FSIP2: variants seen among roughly 807,000 people sequenced by gnomAD.
The protein encoded by FSIP2 is fibrous sheath interacting protein 2, also known as fibrous sheath-interacting protein 2.
A neutral mutation model predicts 510.5 loss-of-function variants in FSIP2; 367 were observed. That is an observed-to-expected ratio of 0.72 (90% CI 0.66 to 0.78). The LOEUF is 0.78. Ranked by LOEUF, FSIP2 falls within the 30% of genes least tolerant of loss-of-function variation. FSIP2 has a pLI of 0.00. For synonymous variants in FSIP2, 2,601 were observed against 2,732.2 expected (o/e 0.95, Z 1.50); for missense variants, 7,594 against 7,901.7 (o/e 0.96, Z 1.48).
rs145693394 is a variant in FSIP2 at position 185,790,848 on chromosome 2, G to A, written c.3712G>A (p.Val1238Ile). 2.3e-5 allele frequency: 35 copies of A among 1,532,812 alleles called. No homozygotes were observed. Among genetic ancestry groups the A allele is most frequent in the African/African-American group, 1.6e-4 (12 of 72,916 alleles). The allele number at this position is 1,532,812 out of a possible 1,614,324, so 95.0% of individuals were successfully genotyped here. ...KKMKYLSLFD[V>I]DPEKPPWLKS... ...AATGAAATATTTATCTTTATTTGAC[G>A]TTGATCCTGAAAAGCCTCCCTGGTT... is the stretch of plus-strand genomic sequence containing the variant. The change falls in exon 16 of 23, where the codon GTT becomes ATT. Residue 1238 changes from valine to isoleucine, a missense_variant. Physicochemically the swap from Val to Ile is conservative, Grantham distance 29. Transcript: ENST00000424728.
At position 185,792,182 on chromosome 2, in the gene FSIP2, A is replaced by T; in HGVS notation, c.5046A>T (p.Val1682=). ...CTGAGACTCAAATACTTAAGTATGT[A>T]GTCAAGTTAATTTTAGATGCAGTAT... is the stretch of plus-strand genomic sequence containing the variant. ...PPPETQILKY[V]VKLILDAVSS... The change falls in exon 16 of 23, where the codon GTA becomes GTT. Residue 1682 remains valine, a synonymous_variant. Coordinates refer to ENST00000424728, the MANE Select transcript of FSIP2 (RefSeq NM_173651.4). 6.5e-7 allele frequency: 1 copy of T among 1,531,930 alleles called. No individual in the cohort carries two copies. The allele number at this position is 1,531,930 out of a possible 1,614,324, so 94.9% of individuals were successfully genotyped here. A position where few individuals can be genotyped will look rare whatever the true frequency, so the allele number is the denominator to read the frequency against.
chr2:185,769,684 G>GAA (rs1040519925), intron 13 of FSIP2, among the ~76,000 whole-genome samples: 25 of 152,274 alleles, frequency 1.6e-4, no homozygotes, highest in African/African-American at 5.8e-4. Context: ...TCTTCTTCAT[G>GAA]AAACCTTCGT....
At position 185,789,801 on chromosome 2, in the gene FSIP2, C is replaced by G; in HGVS notation, c.2665C>G (p.Gln889Glu). The G allele has an allele frequency of 6.5e-7, 1 of 1,533,416 alleles. No homozygotes were observed. The highest frequency in any genetic ancestry group is 8.7e-7 in the Non-Finnish European group (1 of 1,145,056). The allele number at this position is 1,533,416 out of a possible 1,614,324, so 95.0% of individuals were successfully genotyped here. A position where few individuals can be genotyped will look rare whatever the true frequency, so the allele number is the denominator to read the frequency against. The change falls in exon 16 of 23, where the codon CAA becomes GAA. Residue 889 changes from glutamine to glutamate, a missense_variant. Transcript: ENST00000424728. Reference sequence around the variant, plus strand: ...TAGTTTAATTGTCAATGAAGAAGTACAAAATTTAATATCAAATATTTTTTC... The same window carrying G: ...TAGTTTAATTGTCAATGAAGAAGTAGAAAATTTAATATCAAATATTTTTTC... ...EASLIVNEEV[Q>E]NLISNIFSQS...
At chr2:185,778,924 A>T (rs532834562) in intron 13 of FSIP2, among the ~76,000 whole-genome samples, 1 of 152,196 alleles carries the variant, frequency 6.6e-6, no homozygotes, top group East Asian at 1.9e-4. Context: ...TCTAGTGATT[A>T]GACCTATCCA....
chr2:185,830,716 T>C (rs1289630721), intron 21 of FSIP2, among the ~76,000 whole-genome samples: 3 of 151,860 alleles, frequency 2.0e-5, no homozygotes, highest in African/African-American at 4.8e-5. Context: ...ATATTTTTGA[T>C]CTCTGGTTGG....
intron 13 of FSIP2, among the ~76,000 whole-genome samples, chr2:185,777,715 C>G (rs902626664): frequency 1.3e-5 from 2 of 151,904 alleles, no homozygotes; most frequent in East Asian, 3.9e-4. Flanking sequence ...TTCTATCTAT[C>G]GTGTGTTTTT....
At chr2:185,813,322 G>A (rs1049227173) in intron 17 of FSIP2, among the ~76,000 whole-genome samples, 1 of 151,862 alleles carries the variant, frequency 6.6e-6, no homozygotes, top group Non-Finnish European at 1.5e-5. Flanking sequence ...AGTTATATTA[G>A]ATTAAGGTAT....
chr2:185,795,772 C>A lies in FSIP2; in HGVS notation c.8636C>A (p.Ser2879Tyr). Reference protein sequence around the residue: ...ISIKAKELEYSLSLLNLPPLE... With the variant: ...ISIKAKELEYYLSLLNLPPLE... ...ATAAAAGCAAAAGAATTAGAATATT[C>A]TCTTTCACTTTTAAATTTGCCCCCT... The change falls in exon 16 of 23, where the codon TCT becomes TAT. Residue 2879 changes from serine to tyrosine, a missense_variant. Transcript: ENST00000424728. 1 of 1,533,410 alleles carries A rather than the reference C, an allele frequency of 6.5e-7. No individual in the cohort carries two copies. The highest frequency in any genetic ancestry group is 1.2e-5 in the South Asian group (1 of 83,904). The allele number at this position is 1,533,410 out of a possible 1,614,324, so 95.0% of individuals were successfully genotyped here. A position where few individuals can be genotyped will look rare whatever the true frequency, so the allele number is the denominator to read the frequency against.
In FSIP2 at chr2:185,792,378, G is replaced by C; in HGVS notation, c.5242G>C (p.Val1748Leu). ...IDERSPQREE[V>L]KTRSLKQWAL... ...TGAGAGATCCCCACAAAGAGAAGAA[G>C]TGAAAACACGTTCTCTTAAACAATG... Residue 1748 changes from valine (V) to leucine (L), a missense_variant, in exon 16 of 23, where the codon GTG becomes CTG. Physicochemically the swap from Val to Leu is conservative, Grantham distance 32 (BLOSUM62 1). Transcript: ENST00000424728. The C allele has an allele frequency of 6.5e-7, 1 of 1,532,214 alleles. No individual in the cohort carries two copies. Among genetic ancestry groups the C allele is most frequent in the Non-Finnish European group, 8.7e-7 (1 of 1,145,062 alleles). The allele number at this position is 1,532,214 out of a possible 1,614,324, so 94.9% of individuals were successfully genotyped here.
Position 185,756,245 on chromosome 2 carries a change from G to T in FSIP2, c.1045G>T (p.Ala349Ser). 2 of 1,343,440 alleles carry T rather than the reference G, an allele frequency of 1.5e-6. No homozygotes were observed. Among genetic ancestry groups the T allele is most frequent in the Non-Finnish European group, 2.0e-6 (2 of 990,938 alleles). The allele number at this position is 1,343,440 out of a possible 1,614,324, so 83.2% of individuals were successfully genotyped here. A position where few individuals can be genotyped will look rare whatever the true frequency, so the allele number is the denominator to read the frequency against. The change falls in exon 9 of 23, where the codon GCT becomes TCT. Residue 349 changes from alanine (A) to serine (S), a missense_variant. Physicochemically the swap from Ala to Ser is moderately conservative, Grantham distance 99. Coordinates refer to ENST00000424728, the MANE Select transcript of FSIP2 (RefSeq NM_173651.4). ...TGAAGATATAATGTTAGTTTATCCT[G>T]CTGGAGACCAGAATACATATAAAGA... Reference protein sequence around the residue: ...TSEDIMLVYPAGDQNTYKETH... With the variant: ...TSEDIMLVYPSGDQNTYKETH...
Position 185,804,030 on chromosome 2 carries a change from T to G in FSIP2, c.14724T>G (p.Ile4908Met). ...TAAAAGAAATCTTTAACCATCATAT[T>G]CAATCATTTTTATCTGAAGATAAAA... ...FIIKEIFNHH[I>M]QSFLSEDKTL... The change falls in exon 17 of 23, where the codon ATT becomes ATG. Residue 4908 changes from isoleucine to methionine, a missense_variant. Transcript: ENST00000424728. The G allele has an allele frequency of 6.6e-7, 1 of 1,505,092 alleles. No homozygotes were observed. The highest frequency in any genetic ancestry group is 8.8e-7 in the Non-Finnish European group (1 of 1,130,526). The allele number at this position is 1,505,092 out of a possible 1,614,324, so 93.2% of individuals were successfully genotyped here.
intron 20 of FSIP2, 34 bp from the exon 21 acceptor site, chr2:185,828,122 G>C (rs888396784): frequency 8.2e-7 from 1 of 1,221,904 alleles, no homozygotes; most frequent in Non-Finnish European, 1.2e-6. Flanking sequence ...CTCAGAAAGA[G>C]ACTATTTTAC....
At chr2:185,787,201 T>C (rs1220607383) in intron 15 of FSIP2, among the ~76,000 whole-genome samples, 1 of 147,796 alleles carries the variant, frequency 6.8e-6, no homozygotes, top group Non-Finnish European at 1.5e-5. Context: ...TGATTTAGAC[T>C]GTATTTATTT....
intron 13 of FSIP2, among the ~76,000 whole-genome samples, chr2:185,774,547 G>A (rs891791060): frequency 6.6e-6 from 1 of 151,540 alleles, no homozygotes; most frequent in East Asian, 1.9e-4. Context: ...TCAAGTGTCA[G>A]TTATTCTCTT....
Position 185,794,115 on chromosome 2 carries a change from G to C in FSIP2, c.6979G>C (p.Asp2327His). 1 of 1,531,928 alleles carries C rather than the reference G, an allele frequency of 6.5e-7. No individual in the cohort carries two copies. Among genetic ancestry groups the C allele is most frequent in the Non-Finnish European group, 8.7e-7 (1 of 1,144,314 alleles). The allele number at this position is 1,531,928 out of a possible 1,614,324, so 94.9% of individuals were successfully genotyped here. Residue 2327 changes from aspartate (D) to histidine (H), a missense_variant, in exon 16 of 23, where the codon GAT (aspartate) becomes CAT (histidine). Physicochemically the swap from Asp to His is moderately conservative, Grantham distance 81. Coordinates refer to ENST00000424728, the MANE Select transcript of FSIP2 (RefSeq NM_173651.4). ...AACCATTCTCAGCCAAGAGCTTACA[G>C]ATTTCACTTTTGTTGGTCGCAGAGA... ...TETILSQELT[D>H]FTFVGRREKL...
rs1693448746 is a variant in FSIP2, at chr2:185,801,981, T to C, written c.12675T>C (p.Ser4225=). 9 of 1,522,634 alleles carry C rather than the reference T, an allele frequency of 5.9e-6. No individual in the cohort carries two copies. Among genetic ancestry groups the C allele is most frequent in the Non-Finnish European group, 7.9e-6 (9 of 1,141,276 alleles). 94.3% of individuals were successfully genotyped at this position (1,522,634 alleles called of 1,614,324 possible). ...TATATTGTAATATTTTGCAAATGTCTGACTCTCTTGTTTCAATACAAAAAA... is the reference window on the plus strand; with the variant it reads ...TATATTGTAATATTTTGCAAATGTCCGACTCTCTTGTTTCAATACAAAAAA... ...DSVYCNILQM[S]DSLVSIQKSI... Residue 4225 remains serine (S), a synonymous_variant, in exon 17 of 23, where the codon TCT becomes TCC. Coordinates refer to ENST00000424728, the MANE Select transcript of FSIP2 (RefSeq NM_173651.4).
At position 185,799,776 on chromosome 2, in the gene FSIP2, C is replaced by T. The variant is rs200741240; in HGVS notation, c.10470C>T (p.Tyr3490=). 651 of 1,521,150 alleles carry T rather than the reference C, an allele frequency of 4.3e-4. 3 individuals carry two copies. Among genetic ancestry groups the T allele is most frequent in the South Asian group, 2.4e-3 (199 of 82,010 alleles). The allele number at this position is 1,521,150 out of a possible 1,614,324, so 94.2% of individuals were successfully genotyped here. Residue 3490 remains tyrosine (Y), a synonymous_variant, in exon 17 of 23, where the codon TAC becomes TAT. Transcript: ENST00000424728. ...YESKQFLRNI[Y]DDSSIYQCCE... ...CAAAACAGTTCCTAAGAAACATATA[C>T]GATGATTCTTCAATTTATCAATGTT...
rs760281104 is a variant in FSIP2 at position 185,805,386 on chromosome 2, A to G, written c.16080A>G (p.Ile5360Met). 2.5e-6 allele frequency: 4 copies of G among 1,598,508 alleles called. No homozygotes were observed. In the South Asian group the frequency reaches 4.5e-5, roughly 18 times the overall value. The change falls in exon 17 of 23, where the codon ATA (isoleucine) becomes ATG (methionine). Residue 5360 changes from isoleucine to methionine, a missense_variant. Coordinates refer to ENST00000424728, the MANE Select transcript of FSIP2 (RefSeq NM_173651.4). ...KISNFVYEQF[I>M]EKCTSHDIQK... Reference sequence around the variant, plus strand: ...CCAATTTTGTATATGAACAGTTCATAGAAAAATGCACATCTCATGATATTC... The same window carrying G: ...CCAATTTTGTATATGAACAGTTCATGGAAAAATGCACATCTCATGATATTC...
At chr2:185,738,577 G>C (rs1559006084), upstream of FSIP2, 1 of 1,532,512 alleles carries the variant, frequency 6.5e-7, no homozygotes, top group Non-Finnish European at 8.7e-7. Context: ...CACCAACAAA[G>C]CTTATACGTT....
Sources: gnomAD v4.1 joint callset for allele counts (sites outside exome capture counted in the v4.1 genomes callset) on GRCh38, gnomAD v4.1.1 for gene constraint, MANE v1.5 for transcripts, NCBI Gene and HGNC (gene_info 2026-07-23, HGNC 2026-07-21) for gene names.